The following LRRIQ1 variants were observed in gnomAD, a reference collection of about 807,000 sequenced individuals.
The protein encoded by LRRIQ1 is leucine rich repeats and IQ motif containing 1.
Under a neutral mutation model 211.9 loss-of-function variants are expected in LRRIQ1, and 210 were observed. The ratio of observed to expected loss-of-function variants is 0.99; its 90% confidence interval spans 0.89 to 1.11. The LOEUF (loss-of-function observed/expected upper bound fraction) is 1.11, where lower values mean the gene tolerates loss of function less well. Ranked by LOEUF, LRRIQ1 falls within the 50% of genes most tolerant of loss-of-function variation. The pLI, the probability that LRRIQ1 is intolerant of heterozygous loss-of-function variation, is 0.00. For synonymous variants in LRRIQ1, 699 were observed against 650.1 expected, an observed-to-expected ratio of 1.08 and a Z score of -1.14; for missense variants, 2,136 against 1,939.5, an observed-to-expected ratio of 1.10 and a Z score of -1.90.
chr12:85,201,816 T>A (rs1387111062), intron 24 of LRRIQ1, among the ~76,000 whole-genome samples: 1 of 152,096 alleles, frequency 6.6e-6, no homozygotes, highest in Non-Finnish European at 1.5e-5. Flanking sequence ...TCATTTCTTG[T>A]CTTCTGCTAG....
chr12:85,150,607 A>T (rs1890175347), intron 19 of LRRIQ1, among the ~76,000 whole-genome samples: 1 of 151,606 alleles, frequency 6.6e-6, no homozygotes. Context: ...GTAATTTTCC[A>T]AAAGTACCAA....
intron 24 of LRRIQ1, among the ~76,000 whole-genome samples, chr12:85,179,358 G>C (rs936799975): frequency 6.6e-6 from 1 of 151,934 alleles, no homozygotes; most frequent in Non-Finnish European, 1.5e-5. Flanking sequence ...ACAGCAGTGT[G>C]CCATAAGCAG....
At chr12:85,181,968 T>G (rs1254999878) in intron 24 of LRRIQ1, among the ~76,000 whole-genome samples, 1 of 152,096 alleles carries the variant, frequency 6.6e-6, no homozygotes, top group Non-Finnish European at 1.5e-5. Flanking sequence ...CTAGAAGAAA[T>G]ATATTATTGA....
chr12:85,146,087 A>G (rs1411291041), intron 19 of LRRIQ1, among the ~76,000 whole-genome samples: 1 of 151,732 alleles, frequency 6.6e-6, no homozygotes, highest in Non-Finnish European at 1.5e-5. Flanking sequence ...TAATTTTTAA[A>G]TTGATCTTCC....
chr12:85,126,020 T>A (rs1210062114), intron 17 of LRRIQ1, among the ~76,000 whole-genome samples: 1 of 152,194 alleles, frequency 6.6e-6, no homozygotes, highest in Non-Finnish European at 1.5e-5. Flanking sequence ...CATGTGCTCT[T>A]ATTCTAAAGA....
chr12:85,037,843 CT>C (rs1878346815), intron 1 of LRRIQ1, among the ~76,000 whole-genome samples: 1 of 151,868 alleles, frequency 6.6e-6, no homozygotes. Flanking sequence ...GCATACATAC[CT>C]ACATTTATAT....
intron 19 of LRRIQ1, among the ~76,000 whole-genome samples, chr12:85,146,917 A>C (rs1459879868): frequency 6.6e-6 from 1 of 151,916 alleles, no homozygotes; most frequent in South Asian, 2.1e-4. Flanking sequence ...GAGTTGTCCA[A>C]ATAGATCTAT....
chr12:85,039,999 A>G (rs1402248571), intron 2 of LRRIQ1, among the ~76,000 whole-genome samples: 1 of 151,612 alleles, frequency 6.6e-6, no homozygotes, highest in Non-Finnish European at 1.5e-5. Flanking sequence ...TACATAGGCT[A>G]TATTGGTAGA....
chr12:85,131,309 C>T (rs1888745250), intron 18 of LRRIQ1, among the ~76,000 whole-genome samples: 1 of 152,006 alleles, frequency 6.6e-6, no homozygotes, highest in Non-Finnish European at 1.5e-5. Flanking sequence ...TTCATTTTCC[C>T]TTTCTGATTG....
chr12:85,040,536 TA>T lies in LRRIQ1; in HGVS notation c.182del (p.Lys61ArgfsTer21). 6.3e-7 allele frequency: 1 copy of T among 1,596,514 alleles called. No individual in the cohort carries two copies. Among genetic ancestry groups the T allele is most frequent in the Non-Finnish European group, 8.5e-7 (1 of 1,170,588 alleles). On this transcript the variant is annotated frameshift_variant, in exon 3 of 27. Transcript: ENST00000393217. LOFTEE classifies it high-confidence loss of function. ...TCAGTTCTTCACTGTATTAACATCA[TA>T]AAGAACAGGAGTAAAGCTGTTGAAG... ...PESVLHCINI[I>X]KNRSKAVEEL...
rs1305952335 is a variant in LRRIQ1 at position 85,196,464 on chromosome 12, G to T, written c.4823-33053G>T. Among the ~76,000 whole-genome samples the T allele has an allele frequency of 2.0e-5, 3 of 152,108 alleles. No homozygotes were observed. In the East Asian group the frequency reaches 5.8e-4, roughly 29 times the overall value. On this transcript the variant is annotated intron_variant, in intron 24 of 26. Coordinates refer to ENST00000393217, the MANE Select transcript of LRRIQ1 (RefSeq NM_001079910.2). ...ACAGTAACCAAAACAGCATGGTACT[G>T]GTACCAAAACAGAGATATAGATCAA... is the stretch of plus-strand genomic sequence containing the variant.
chr12:85,056,512 A>C lies in LRRIQ1; in HGVS notation c.1719A>C (p.Lys573Asn). Residue 573 changes from lysine (K) to asparagine (N), a missense_variant, in exon 8 of 27, where the codon AAA becomes AAC. Physicochemically the swap from Lys to Asn is moderately conservative, Grantham distance 94 (BLOSUM62 0). Coordinates refer to ENST00000393217, the MANE Select transcript of LRRIQ1 (RefSeq NM_001079910.2). ...AGGTGAAAACCAATGAAGAGCAGAA[A>C]ATAATCAAAGATAATCAGCAGAAAA... ...ISEVKTNEEQ[K>N]IIKDNQQKKI... 5.6e-6 allele frequency: 9 copies of C among 1,612,198 alleles called. No homozygotes were observed. The highest frequency in any genetic ancestry group is 7.6e-6 in the Non-Finnish European group (9 of 1,179,218).
chr12:85,152,460 A>C (rs953906227), intron 20 of LRRIQ1, 91 bp downstream of exon 20: 2 of 903,052 alleles, frequency 2.2e-6, no homozygotes, highest in Admixed American at 2.9e-5. Context: ...CAATTTATTG[A>C]CTTGAAAAAC....
intron 17 of LRRIQ1, chr12:85,124,778 C>T: frequency 2.9e-6 from 1 of 341,002 alleles, no homozygotes; most frequent in Non-Finnish European, 5.4e-6. Context: ...TTTTTTCTGC[C>T]TTGTAATTTC....
chr12:85,179,430 G>A (rs993818651), intron 24 of LRRIQ1, among the ~76,000 whole-genome samples: 2 of 151,974 alleles, frequency 1.3e-5, no homozygotes, highest in African/African-American at 4.8e-5. Context: ...AAGATTGAGA[G>A]ATGTGTAGAT....
intron 11 of LRRIQ1, among the ~76,000 whole-genome samples, chr12:85,090,953 A>T (rs764224127): frequency 1.6e-4 from 24 of 152,160 alleles, no homozygotes; most frequent in Middle Eastern, 3.4e-3. Flanking sequence ...GCTGAAGGTG[A>T]GGTATGGTGG....
chr12:85,152,722 G>A (rs900917496), intron 20 of LRRIQ1, among the ~76,000 whole-genome samples: 3 of 151,526 alleles, frequency 2.0e-5, no homozygotes, highest in African/African-American at 4.8e-5. Flanking sequence ...TTCAGTCAGA[G>A]GTCAATGGAC....
chr12:85,154,130 A>T (rs1890408204), intron 23 of LRRIQ1, 36 bp downstream of exon 23: 13 of 1,179,856 alleles, frequency 1.1e-5, no homozygotes, highest in Non-Finnish European at 1.5e-5. Context: ...ATAACTGTGT[A>T]TGGAAAATTG....
At chr12:85,085,598 C>T (rs1271836457) in intron 11 of LRRIQ1, among the ~76,000 whole-genome samples, 1 of 152,174 alleles carries the variant, frequency 6.6e-6, no homozygotes, top group Non-Finnish European at 1.5e-5. Flanking sequence ...TCACTCTCTC[C>T]CCTCTGGTAG....
Sources: gnomAD v4.1 joint callset for allele counts (sites outside exome capture counted in the v4.1 genomes callset) on GRCh38, gnomAD v4.1.1 for gene constraint, MANE v1.5 for transcripts, NCBI Gene and HGNC (gene_info 2026-07-23, HGNC 2026-07-21) for gene names.